Variants in HYAL4 observed in about 807,000 individuals in gnomAD.
HYAL4 encodes the protein hyaluronidase 4.
A neutral mutation model predicts 35.2 loss-of-function variants in HYAL4; 37 were observed. That is an observed-to-expected ratio of 1.05 (90% confidence interval 0.81 to 1.38). HYAL4 has a LOEUF of 1.38. Among genes scored for constraint, HYAL4 ranks in the 40% most tolerant of loss-of-function variants. HYAL4 has a pLI of 0.00. For synonymous variants in HYAL4, 198 were observed against 203.2 expected, an observed-to-expected ratio of 0.97 and a Z score of 0.22; for missense variants, 572 against 572.4, an observed-to-expected ratio of 1.00 and a Z score of 0.01.
At chr7:123,778,718 G>T in the HYAL4 span, among the ~76,000 whole-genome samples, 2 of 152,188 alleles carry the variant, frequency 1.3e-5, no homozygotes, top group African/African-American at 4.8e-5. Flanking sequence ...TTAAGATGGT[G>T]TCCACAGATT....
chr7:123,832,286 T>A (rs1805895275), intron 1 of HYAL4, among the ~76,000 whole-genome samples: 1 of 151,790 alleles, frequency 6.6e-6, no homozygotes, highest in Admixed American at 6.6e-5. Context: ...TTTCTTAAAA[T>A]TTTTTTTATT....
chr7:123,807,690 C>T, the HYAL4 span, among the ~76,000 whole-genome samples: 3 of 151,246 alleles, frequency 2.0e-5, no homozygotes, highest in East Asian at 3.9e-4. Context: ...ATCCACCTGC[C>T]TTGGCCTCTC....
Position 123,877,026 on chromosome 7 carries a change from G to A in HYAL4, c.1317G>A (p.Gln439=). The change falls in exon 5 of 5, where the codon CAG becomes CAA. Residue 439 remains glutamine (Q), a synonymous_variant. Transcript: ENST00000223026. ...MADTFSCHCY[Q]GYEGADCREI... The stretch of plus-strand genomic sequence containing the variant: ...ATACATTTTCCTGTCATTGTTATCA[G>A]GGATATGAAGGAGCTGATTGCAGAG... 1.2e-6 allele frequency: 2 copies of A among 1,614,212 alleles called. No individual in the cohort carries two copies. The highest frequency in any genetic ancestry group is 1.7e-6 in the Non-Finnish European group (2 of 1,180,036).
At chr7:123,797,139 A>C in the HYAL4 span, among the ~76,000 whole-genome samples, 2 of 152,352 alleles carry the variant, frequency 1.3e-5, no homozygotes. Flanking sequence ...TCAGGTAAAA[A>C]GTATCCTTAA....
At chr7:123,804,136 C>T in the HYAL4 span, among the ~76,000 whole-genome samples, 18 of 152,210 alleles carry the variant, frequency 1.2e-4, no homozygotes, top group Admixed American at 1.2e-3. Context: ...ATTATTCTCA[C>T]AAGCTGCCAC....
intron 2 of HYAL4, among the ~76,000 whole-genome samples, chr7:123,854,455 T>C (rs1806384237): frequency 6.6e-6 from 1 of 152,204 alleles, no homozygotes; most frequent in Admixed American, 6.5e-5. Flanking sequence ...AACTTATTTA[T>C]TTCTGCCTTC....
chr7:123,767,923 C>T, the HYAL4 span, among the ~76,000 whole-genome samples: 1 of 152,296 alleles, frequency 6.6e-6, no homozygotes, highest in East Asian at 1.9e-4. Flanking sequence ...CACCTGAGGA[C>T]ATTTACAATT....
At chr7:123,783,045 T>G in the HYAL4 span, among the ~76,000 whole-genome samples, 8 of 152,050 alleles carry the variant, frequency 5.3e-5, no homozygotes, top group Admixed American at 4.6e-4. Flanking sequence ...AAATATAAAG[T>G]CAAAAGCGTT....
chr7:123,780,191 AC>A, the HYAL4 span, among the ~76,000 whole-genome samples: 42 of 152,322 alleles, frequency 2.8e-4, no homozygotes, highest in South Asian at 8.7e-3. Flanking sequence ...ACTATAGATT[AC>A]TTTTGGTGAG....
At chr7:123,822,304 T>C in the HYAL4 span, among the ~76,000 whole-genome samples, 1 of 152,154 alleles carries the variant, frequency 6.6e-6, no homozygotes, top group African/African-American at 2.4e-5. Flanking sequence ...TTTATGTCTC[T>C]TTTAACACCT....
At chr7:123,871,457 G>T (rs185897509) in intron 3 of HYAL4, among the ~76,000 whole-genome samples, 23 of 152,174 alleles carry the variant, frequency 1.5e-4, no homozygotes, top group Admixed American at 1.4e-3. Flanking sequence ...CTCCCAAAGC[G>T]CTGGGATTTT....
the HYAL4 span, among the ~76,000 whole-genome samples, chr7:123,807,914 A>AATT: frequency 0.12 from 16,274 of 136,344 alleles, 1,114 homozygotes; most frequent in East Asian, 0.2. Context: ...TTAGCTGGAT[A>AATT]ATTATTATTA....
Position 123,832,479 on chromosome 7 carries a change from C to CTTTTTTTTTTTTTTTT in HYAL4, c.-257+3378_-257+3393dup, listed in dbSNP as rs71163703. On this transcript the variant is annotated intron_variant, in intron 1 of 4. Coordinates refer to the HYAL4 transcript ENST00000489978. ...AGTCCCCAAAGTCTATTGTGTCATA[C>CTTTTTTTTTTTTTTTT]TTTTTTTTTTTTTTTTTTTTTTTTT... is the stretch of plus-strand genomic sequence containing the variant. Among the ~76,000 whole-genome samples the CTTTTTTTTTTTTTTTT allele has an allele frequency of 9.2e-4, 20 of 21,844 alleles. 3 individuals are homozygous for CTTTTTTTTTTTTTTTT. Among genetic ancestry groups the CTTTTTTTTTTTTTTTT allele is most frequent in the African/African-American group, 1.7e-3 (6 of 3,598 alleles). 14.3% of individuals were successfully genotyped at this position (21,844 alleles called of 152,430 possible). A position where few individuals can be genotyped will look rare whatever the true frequency, so the allele number is the denominator to read the frequency against.
At chr7:123,819,856 G>A in the HYAL4 span, among the ~76,000 whole-genome samples, 1 of 151,324 alleles carries the variant, frequency 6.6e-6, no homozygotes, top group Non-Finnish European at 1.5e-5. Flanking sequence ...TTGCACTGAG[G>A]GCAGATTCTC....
upstream of HYAL4, chr7:123,844,438 T>G (rs1031235982): frequency 2.6e-5 from 4 of 152,278 alleles, no homozygotes; most frequent in African/African-American, 9.6e-5. Context: ...ATATGAGTTG[T>G]CTGTCCACCT....
chr7:123,770,407 A>G, the HYAL4 span, among the ~76,000 whole-genome samples: 11 of 148,564 alleles, frequency 7.4e-5, no homozygotes, highest in African/African-American at 2.7e-4. Flanking sequence ...GCGCCACTGC[A>G]CTCAAGCCTG....
chr7:123,874,901 C>T (rs1479210007), intron 4 of HYAL4, 51 bp downstream of exon 4: 1 of 1,084,606 alleles, frequency 9.2e-7, no homozygotes, highest in Non-Finnish European at 1.4e-6. Flanking sequence ...AAAAGTATTT[C>T]TCTGCTTTCT....
the HYAL4 span, among the ~76,000 whole-genome samples, chr7:123,771,487 T>G: frequency 6.6e-6 from 1 of 152,216 alleles, no homozygotes; most frequent in Non-Finnish European, 1.5e-5. Context: ...TAGTATCTGA[T>G]TTCAGTTACC....
At chr7:123,869,561 A>G (rs991290524) in intron 3 of HYAL4, among the ~76,000 whole-genome samples, 1 of 152,236 alleles carries the variant, frequency 6.6e-6, no homozygotes, top group African/African-American at 2.4e-5. Context: ...GGCAGTGAGC[A>G]GGTTAGACAA....
Sources: allele counts gnomAD v4.1 joint callset (sites outside exome capture counted in the v4.1 genomes callset), GRCh38; gene constraint gnomAD v4.1.1; transcripts MANE v1.5; gene names NCBI Gene and HGNC (gene_info 2026-07-23, HGNC 2026-07-21).